IL1RN: variants seen among roughly 807,000 people sequenced by gnomAD.
The protein encoded by IL1RN is interleukin 1 receptor antagonist, also known as interleukin-1 receptor antagonist protein.
A neutral mutation model predicts 13.7 loss-of-function variants in IL1RN; 10 were observed. That is an observed-to-expected ratio of 0.73 (90% CI 0.45 to 1.24). The LOEUF (loss-of-function observed/expected upper bound fraction) is 1.24. IL1RN is among the 50% of genes most tolerant of loss of function. IL1RN has a pLI of 0.00. For synonymous variants in IL1RN, 102 were observed against 82.7 expected (o/e 1.23, Z -1.27); for missense variants, 213 against 222.1 (o/e 0.96, Z 0.26).
At chr2:113,125,957 C>T (rs1453918616), upstream of IL1RN, among the ~76,000 whole-genome samples, 1 of 152,178 alleles carries the variant, frequency 6.6e-6, no homozygotes, top group African/African-American at 2.4e-5. Flanking sequence ...TGCCACCATC[C>T]CTGCTAATTT....
upstream of IL1RN, among the ~76,000 whole-genome samples, chr2:113,106,014 G>T (rs1432497029): frequency 6.6e-6 from 1 of 152,032 alleles, no homozygotes; most frequent in Non-Finnish European, 1.5e-5. Context: ...TTGGAAAATG[G>T]GCTTTTCCTA....
chr2:113,119,958 A>G, intron 1 of IL1RN: 1 of 852,892 alleles, frequency 1.2e-6, no homozygotes, highest in East Asian at 2.6e-5. Context: ...GGTAAAGGAT[A>G]GAGATGGAAC....
At chr2:113,131,772 G>A (rs147518505) in intron 3 of IL1RN, among the ~76,000 whole-genome samples, 1 of 152,266 alleles carries the variant, frequency 6.6e-6, no homozygotes, top group Non-Finnish European at 1.5e-5. Context: ...AGAGCCCTGT[G>A]CTCCTTTATC....
intron 2 of IL1RN, among the ~76,000 whole-genome samples, chr2:113,121,281 A>G (rs1162721364): frequency 6.6e-6 from 1 of 152,220 alleles, no homozygotes; most frequent in Admixed American, 6.5e-5. Context: ...ATTTATACTC[A>G]TTTTGAAAGT....
At chr2:113,122,493 T>C (rs1471590132) in intron 2 of IL1RN, among the ~76,000 whole-genome samples, 1 of 152,270 alleles carries the variant, frequency 6.6e-6, no homozygotes, top group South Asian at 2.1e-4. Context: ...AAATTATCCG[T>C]GGTGGGAGTA....
chr2:113,105,179 A>G (rs1686369932), upstream of IL1RN, among the ~76,000 whole-genome samples: 1 of 152,208 alleles, frequency 6.6e-6, no homozygotes, highest in Admixed American at 6.5e-5. Context: ...GAAAGGCATG[A>G]AGATGGTGGA....
At chr2:113,131,470 C>T (rs913893348) in intron 3 of IL1RN, among the ~76,000 whole-genome samples, 1 of 152,142 alleles carries the variant, frequency 6.6e-6, no homozygotes, top group African/African-American at 2.4e-5. Flanking sequence ...CCTCAACATG[C>T]AGGCGCTTAT....
At position 113,133,530 on chromosome 2, in the gene IL1RN, A is replaced by T. The variant is rs1423267035; in HGVS notation, c.*659A>T. 1 of 157,132 alleles carries T rather than the reference A, an allele frequency of 6.4e-6. No homozygotes were observed. Among genetic ancestry groups the T allele is most frequent in the Non-Finnish European group, 1.4e-5 (1 of 70,880 alleles). 9.7% of individuals were successfully genotyped at this position (157,132 alleles called of 1,614,324 possible). On this transcript the variant is annotated 3_prime_UTR_variant, in exon 4 of 4. Coordinates refer to ENST00000409930, the MANE Select transcript of IL1RN (RefSeq NM_173842.3). ...TCCCAACTTGTAAAAATTAAAAGTT[A>T]TGGTACTATGTTAGCCCCATAATTT...
chr2:113,105,753 A>G (rs1246741783), upstream of IL1RN, among the ~76,000 whole-genome samples: 2 of 152,274 alleles, frequency 1.3e-5, no homozygotes, highest in Admixed American at 1.3e-4. Context: ...ATGTAGCATT[A>G]TTAGTTAATT....
chr2:113,130,415 C>T (rs1172009246), intron 2 of IL1RN, among the ~76,000 whole-genome samples: 1 of 152,208 alleles, frequency 6.6e-6, no homozygotes, highest in East Asian at 1.9e-4. Flanking sequence ...AGCATGGAGG[C>T]CTCTTAGGGA....
At chr2:113,100,433 C>CCTTG in the IL1RN span, among the ~76,000 whole-genome samples, 6 of 152,086 alleles carry the variant, frequency 3.9e-5, no homozygotes, top group Non-Finnish European at 8.8e-5. Flanking sequence ...ACAAGAGAAG[C>CCTTG]AGCAAATGAC....
At chr2:113,106,203 A>G (rs902466231), upstream of IL1RN, among the ~76,000 whole-genome samples, 5 of 152,216 alleles carry the variant, frequency 3.3e-5, no homozygotes, top group Non-Finnish European at 7.3e-5. Flanking sequence ...GTATGACTCC[A>G]AAATCAGTGA....
At chr2:113,118,448 A>G (rs1223503834) in intron 1 of IL1RN, among the ~76,000 whole-genome samples, 2 of 149,604 alleles carry the variant, frequency 1.3e-5, no homozygotes, top group Non-Finnish European at 3.0e-5. Flanking sequence ...GGGTTGATTG[A>G]TAAGGAAGGG....
chr2:113,104,315 T>C (rs539992510), upstream of IL1RN, among the ~76,000 whole-genome samples: 17 of 151,962 alleles, frequency 1.1e-4, no homozygotes, highest in Non-Finnish European at 1.6e-4. Flanking sequence ...CAGAGGAAAA[T>C]TTCTTCACAG....
upstream of IL1RN, among the ~76,000 whole-genome samples, chr2:113,125,749 T>C (rs1228494954): frequency 2.6e-5 from 4 of 152,252 alleles, no homozygotes; most frequent in East Asian, 7.7e-4. Context: ...TCTGTATTCC[T>C]GTGCTGCCCT....
chr2:113,117,540 G>A (rs150443127), upstream of IL1RN: 734 of 180,728 alleles, frequency 4.1e-3, 1 homozygote, highest in African/African-American at 0.012. Context: ...TTGTTAGAGC[G>A]TTGGGGACCT....
upstream of IL1RN, among the ~76,000 whole-genome samples, chr2:113,102,359 T>G (rs1686327454): frequency 6.6e-6 from 1 of 152,186 alleles, no homozygotes; most frequent in Non-Finnish European, 1.5e-5. Flanking sequence ...TTAACCTCAA[T>G]TACTTTCTTA....
chr2:113,119,885 C>T (rs1686709491), intron 1 of IL1RN, among the ~76,000 whole-genome samples: 1 of 151,928 alleles, frequency 6.6e-6, no homozygotes, highest in Admixed American at 6.6e-5. Flanking sequence ...GAACAGGGTG[C>T]CAAGAAGAGA....
intron 1 of IL1RN, chr2:113,111,234 G>T (rs1043911801): frequency 3.3e-5 from 5 of 152,164 alleles, no homozygotes; most frequent in Non-Finnish European, 5.9e-5. Context: ...TTTTAAATCT[G>T]GGAAAACTGA....
Sources: allele counts gnomAD v4.1 joint callset (sites outside exome capture counted in the v4.1 genomes callset), GRCh38; gene constraint gnomAD v4.1.1; transcripts MANE v1.5; gene names NCBI Gene and HGNC (gene_info 2026-07-23, HGNC 2026-07-21).